Variants in CC2D2B observed in about 807,000 individuals in gnomAD.
The protein encoded by CC2D2B is protein CC2D2B.
CC2D2B carries 128 observed loss-of-function variants against 161.2 expected under a neutral mutation model. The ratio of observed to expected loss-of-function variants is 0.79; its 90% CI spans 0.69 to 0.92. The LOEUF (loss-of-function observed/expected upper bound fraction) is 0.92, where lower values mean the gene tolerates loss of function less well. Ranked by LOEUF, CC2D2B falls within the 40% of genes least tolerant of loss-of-function variation. The probability of loss-of-function intolerance (pLI) is 0.00; values close to 1 mark genes in which losing one functional copy is unlikely to be tolerated. For missense variants in CC2D2B, 1,173 were observed against 1,375.1 expected (o/e 0.85, Z 2.32); for synonymous variants, 391 against 449.8 (o/e 0.87, Z 1.65).
Position 96,027,346 on chromosome 10 carries a change from C to G in CC2D2B, c.4082C>G (p.Ser1361Cys). Residue 1361 changes from serine (S) to cysteine (C), a missense_variant, in exon 34 of 35, where the codon TCT becomes TGT. This residue lies in a region of CC2D2B where 598 missense variants were observed against 693.2 expected (regional missense o/e 0.86). Coordinates refer to ENST00000646931, the MANE Select transcript of CC2D2B (RefSeq NM_001349008.3). The part of the protein sequence containing the change: ...LEFGIGSFVS[S>C]EGDNEFERIL... ...TTTGGCATAGGAAGCTTTGTTTCAT[C>G]TGAAGGAGATAATGAATTTGAAAGA... 6.5e-7 allele frequency: 1 copy of G among 1,550,086 alleles called. No homozygotes were observed. The highest frequency in any genetic ancestry group is 1.2e-5 in the South Asian group (1 of 83,596).
intron 24 of CC2D2B, among the ~76,000 whole-genome samples, chr10:95,998,356 C>T (rs1328527237): frequency 6.6e-6 from 1 of 152,136 alleles, no homozygotes; most frequent in Non-Finnish European, 1.5e-5. Context: ...TGACATGTAT[C>T]TACCATTATA....
At chr10:95,983,475 A>G in intron 18 of CC2D2B, 131 bp from the exon 19 acceptor site, 1 of 376,330 alleles carries the variant, frequency 2.7e-6, no homozygotes, top group East Asian at 3.9e-5. Context: ...TATGTTCTAG[A>G]CTACAAATTC....
At chr10:96,012,797 T>C in intron 28 of CC2D2B, 68 bp downstream of exon 28, 1 of 1,006,504 alleles carries the variant, frequency 9.9e-7, no homozygotes, top group South Asian at 1.4e-5. Context: ...CACTTTTACC[T>C]TTTGTGTATT....
chr10:96,029,723 T>C (rs1487007036), intron 34 of CC2D2B, among the ~76,000 whole-genome samples: 1 of 152,116 alleles, frequency 6.6e-6, no homozygotes, highest in African/African-American at 2.4e-5. Context: ...ATAATCTATG[T>C]ACAACCTCAC....
At position 96,026,720 on chromosome 10, in the gene CC2D2B, G is replaced by A. The variant is rs891550144; in HGVS notation, c.3948-492G>A. On this transcript the variant is annotated intron_variant, in intron 33 of 34. Coordinates refer to ENST00000646931, the MANE Select transcript of CC2D2B (RefSeq NM_001349008.3). The stretch of plus-strand genomic sequence containing the variant: ...GAGGCTTCTTGTCTTCCCAAGCCAA[G>A]TAAGAGCCTGCCTCTCCCCAGCTTC... 3.3e-5 allele frequency among the ~76,000 whole-genome samples: 5 copies of A among 152,258 alleles called. 1 individual carries two copies. Among genetic ancestry groups the A allele is most frequent in the African/African-American group, 1.2e-4 (5 of 41,552 alleles).
At chr10:95,956,544 ATTCAGTGGAAGGAG>A (rs1461503620) in intron 11 of CC2D2B, among the ~76,000 whole-genome samples, 1 of 152,184 alleles carries the variant, frequency 6.6e-6, no homozygotes, top group Non-Finnish European at 1.5e-5. Flanking sequence ...AAATTTAAAA[ATTCAGTGGAAGGAG>A]TTTCTAGGAA....
rs2080125712 is a variant in CC2D2B, at chr10:96,033,679, A to G, written c.*1671A>G. Among the ~76,000 whole-genome samples, 1 of 152,122 alleles carries G rather than the reference A, an allele frequency of 6.6e-6. No homozygotes were observed. The highest frequency in any genetic ancestry group is 2.4e-5 in the African/African-American group (1 of 41,434). On this transcript the variant is annotated 3_prime_UTR_variant, in exon 35 of 35. Transcript: ENST00000646931. ...AAGTGTTCATAGGAAAGCATGGAGG[A>G]CCTTTTTATATTGTATCCTTTTTAC... is the stretch of plus-strand genomic sequence containing the variant.
intron 3 of CC2D2B, among the ~76,000 whole-genome samples, chr10:95,923,875 G>A (rs772386108): frequency 7.2e-5 from 11 of 152,140 alleles, no homozygotes; most frequent in Non-Finnish European, 4.4e-5. Flanking sequence ...AAGAAAGTTA[G>A]CAGGGTGTGG....
chr10:95,919,733 G>C (rs924870260), intron 2 of CC2D2B: 29 of 152,106 alleles, frequency 1.9e-4, no homozygotes, highest in African/African-American at 6.3e-4. Context: ...AGTGAAGCAG[G>C]TTCCTTCCAG....
At chr10:96,003,264 A>C (rs2078589995) in intron 24 of CC2D2B, among the ~76,000 whole-genome samples, 1 of 151,948 alleles carries the variant, frequency 6.6e-6, no homozygotes, top group African/African-American at 2.4e-5. Context: ...GTGAAAGTTC[A>C]TTGCTCATGA....
At chr10:95,993,748 C>CAT (rs1045824562) in intron 22 of CC2D2B, among the ~76,000 whole-genome samples, 21 of 141,400 alleles carry the variant, frequency 1.5e-4, no homozygotes, top group African/African-American at 2.6e-4. Flanking sequence ...TATAACTTGT[C>CAT]ATATATATAT....
intron 1 of CC2D2B, among the ~76,000 whole-genome samples, chr10:95,908,529 G>A (rs568117754): frequency 6.6e-6 from 1 of 152,162 alleles, no homozygotes. Context: ...ATCCATTTGC[G>A]GGGAAGTTGT....
At chr10:95,925,696 C>T (rs1035031979) in intron 5 of CC2D2B, among the ~76,000 whole-genome samples, 2 of 152,170 alleles carry the variant, frequency 1.3e-5, no homozygotes, top group African/African-American at 4.8e-5. Context: ...TCTAATGTAA[C>T]AAATCAGCAG....
intron 11 of CC2D2B, 178 bp from the exon 12 acceptor site, chr10:95,961,651 G>A (rs905018360): frequency 2.6e-6 from 1 of 384,588 alleles, no homozygotes; most frequent in Non-Finnish European, 4.6e-6. Flanking sequence ...AATTTCTAAT[G>A]GAATTGCAGT....
At chr10:96,025,170 T>TATAAAAAAAAAAAAAAAAAAA (rs2079662066) in intron 33 of CC2D2B, among the ~76,000 whole-genome samples, 1 of 19,326 alleles carries the variant, frequency 5.2e-5, no homozygotes, top group African/African-American at 2.1e-4. Flanking sequence ...TATATATATA[T>TATAAAAAAAAAAAAAAAAAAA]ATATATATAT....
chr10:96,018,669 T>C (rs891484024), intron 30 of CC2D2B: 3 of 152,288 alleles, frequency 2.0e-5, no homozygotes, highest in Non-Finnish European at 4.4e-5. Flanking sequence ...AGTTGTTTCA[T>C]CTGAATCCTC....
chr10:96,003,405 A>G (rs2078597639), intron 24 of CC2D2B, among the ~76,000 whole-genome samples: 2 of 140,952 alleles, frequency 1.4e-5, no homozygotes, highest in Admixed American at 1.5e-4. Context: ...GAAAGAGAAT[A>G]AATTCCGTTA....
intron 20 of CC2D2B, among the ~76,000 whole-genome samples, chr10:95,990,513 G>C (rs1287988124): frequency 6.6e-6 from 1 of 152,098 alleles, no homozygotes; most frequent in Non-Finnish European, 1.5e-5. Flanking sequence ...AGAAGAGAGA[G>C]AGTGGCCAGT....
At chr10:95,925,328 T>C (rs945807415) in intron 5 of CC2D2B, among the ~76,000 whole-genome samples, 5 of 152,190 alleles carry the variant, frequency 3.3e-5, no homozygotes, top group African/African-American at 1.2e-4. Context: ...CAGTTTCTGA[T>C]TGGTAAAACT....
Sources: gnomAD v4.1 joint callset for allele counts (sites outside exome capture counted in the v4.1 genomes callset) on GRCh38, gnomAD v4.1.1 for gene constraint, gnomAD v4.1.1 regional missense constraint, MANE v1.5 for transcripts, NCBI Gene and HGNC (gene_info 2026-07-23, HGNC 2026-07-21) for gene names.